Variants in LCLAT1 observed in about 807,000 individuals in gnomAD.
The protein encoded by LCLAT1 is 1-AGP acyltransferase 8.
In LCLAT1, 11 loss-of-function variants were observed where a neutral mutation model predicts 30.7. That is an observed-to-expected ratio of 0.36 (90% CI 0.23 to 0.59). The LOEUF is 0.59. Among genes scored for constraint, LCLAT1 ranks in the 20% least tolerant of loss-of-function variants. LCLAT1 has a pLI of 0.77. For synonymous variants in LCLAT1, 155 were observed against 151.3 expected (o/e 1.02, Z -0.18); for missense variants, 402 against 458.6 (o/e 0.88, Z 1.13).
intron 1 of LCLAT1, among the ~76,000 whole-genome samples, chr2:30,466,761 G>T (rs1682455270): frequency 6.6e-6 from 1 of 151,972 alleles, no homozygotes; most frequent in Non-Finnish European, 1.5e-5. Flanking sequence ...CCACCCCCTG[G>T]TAATCTGGAT....
intron 1 of LCLAT1, among the ~76,000 whole-genome samples, chr2:30,494,340 C>T (rs1015041678): frequency 3.3e-5 from 5 of 152,120 alleles, no homozygotes; most frequent in South Asian, 2.1e-4. Context: ...TGAACTTCGA[C>T]AGCTTTTTTC....
At chr2:30,491,874 TA>T (rs1004345520) in intron 1 of LCLAT1, among the ~76,000 whole-genome samples, 1 of 152,146 alleles carries the variant, frequency 6.6e-6, no homozygotes. Context: ...TAATTTAAAT[TA>T]GTGATAAGAA....
chr2:30,450,445 G>A (rs1681490559), intron 1 of LCLAT1, among the ~76,000 whole-genome samples: 1 of 152,194 alleles, frequency 6.6e-6, no homozygotes, highest in African/African-American at 2.4e-5. Context: ...AGTGGGAACT[G>A]TAGAAGGATC....
chr2:30,564,789 T>C (rs910895455), intron 4 of LCLAT1, among the ~76,000 whole-genome samples: 1 of 152,224 alleles, frequency 6.6e-6, no homozygotes, highest in African/African-American at 2.4e-5. Flanking sequence ...TGAGACTGTT[T>C]TATAATTTAA....
intron 1 of LCLAT1, among the ~76,000 whole-genome samples, chr2:30,515,058 A>G (rs1685118335): frequency 2.6e-5 from 4 of 151,596 alleles, no homozygotes; most frequent in Admixed American, 2.0e-4. Context: ...CCCCCATTGT[A>G]TACCTATACC....
chr2:30,560,323 T>TA (rs1665146432), intron 3 of LCLAT1, among the ~76,000 whole-genome samples: 1 of 146,878 alleles, frequency 6.8e-6, no homozygotes, highest in Non-Finnish European at 1.5e-5. Context: ...TGTGTGTGTG[T>TA]GTATTATTTA....
chr2:30,495,683 G>A (rs1684074019), intron 1 of LCLAT1, among the ~76,000 whole-genome samples: 1 of 152,110 alleles, frequency 6.6e-6, no homozygotes, highest in Non-Finnish European at 1.5e-5. Context: ...AAGTAAGGGT[G>A]GGGGTGAAAG....
chr2:30,573,126 CTG>C (rs1234140018), intron 5 of LCLAT1, among the ~76,000 whole-genome samples: 4 of 152,170 alleles, frequency 2.6e-5, no homozygotes, highest in Admixed American at 2.6e-4. Context: ...AAAGAAGAAA[CTG>C]TTGTGCAAGC....
At chr2:30,508,031 T>C (rs569747564) in intron 1 of LCLAT1, among the ~76,000 whole-genome samples, 1 of 152,342 alleles carries the variant, frequency 6.6e-6, no homozygotes, top group South Asian at 2.1e-4. Flanking sequence ...TTTGCATTTC[T>C]GTAATGATCA....
intron 5 of LCLAT1, among the ~76,000 whole-genome samples, chr2:30,611,859 G>GT (rs1412102575): frequency 6.6e-6 from 1 of 152,174 alleles, no homozygotes; most frequent in Non-Finnish European, 1.5e-5. Context: ...TTTCTCCTGG[G>GT]AGGAGGTCAG....
At chr2:30,615,941 AG>A (rs1206413778) in intron 5 of LCLAT1, among the ~76,000 whole-genome samples, 3 of 152,206 alleles carry the variant, frequency 2.0e-5, no homozygotes, top group Non-Finnish European at 2.9e-5. Context: ...AGCTTGTGTA[AG>A]GGATTGAAAT....
intron 3 of LCLAT1, chr2:30,552,496 A>G (rs1664724184): frequency 2.2e-6 from 1 of 444,522 alleles, no homozygotes; most frequent in Non-Finnish European, 4.6e-6. Flanking sequence ...TTTTCAGCAC[A>G]GTCACATTTG....
chr2:30,514,496 G>C (rs1685088774), intron 1 of LCLAT1, among the ~76,000 whole-genome samples: 1 of 152,032 alleles, frequency 6.6e-6, no homozygotes, highest in Non-Finnish European at 1.5e-5. Flanking sequence ...TATGACCTTT[G>C]GATTATTCAT....
chr2:30,457,564 C>T lies in LCLAT1; in HGVS notation c.-5+10181C>T, dbSNP rs139421675. The stretch of plus-strand genomic sequence containing the variant: ...TTCTTTTTCTCTTTTGTGGAAGAAG[C>T]CAGTTTTTTATCTGTTAAGCAAATT... On this transcript the variant is annotated intron_variant, in intron 1 of 5. Transcript: ENST00000379509. Among the ~76,000 whole-genome samples the T allele has an allele frequency of 1.9e-3, 285 of 152,282 alleles. 1 individual carries two copies. The highest frequency in any genetic ancestry group is 6.7e-3 in the African/African-American group (279 of 41,564).
At chr2:30,517,920 G>A (rs2148369838) in intron 1 of LCLAT1, among the ~76,000 whole-genome samples, 1 of 152,216 alleles carries the variant, frequency 6.6e-6, no homozygotes, top group Admixed American at 6.5e-5. Flanking sequence ...TGTAAACAAG[G>A]GTGTAGCCAA....
At chr2:30,560,930 A>C (rs952706202) in intron 3 of LCLAT1, among the ~76,000 whole-genome samples, 1 of 151,678 alleles carries the variant, frequency 6.6e-6, no homozygotes, top group Non-Finnish European at 1.5e-5. Flanking sequence ...TTTGCCCTTC[A>C]CTCTCATATG....
At chr2:30,596,998 C>T (rs62139630) in intron 5 of LCLAT1, among the ~76,000 whole-genome samples, 8 of 128,348 alleles carry the variant, frequency 6.2e-5, no homozygotes, top group Non-Finnish European at 1.1e-4. Flanking sequence ...TTCCATTGGT[C>T]TATGTGTCTG....
intron 1 of LCLAT1, among the ~76,000 whole-genome samples, chr2:30,514,330 C>T (rs1344431326): frequency 6.6e-6 from 1 of 152,182 alleles, no homozygotes; most frequent in Non-Finnish European, 1.5e-5. Flanking sequence ...CCAAGAAGTG[C>T]TTATGAAGTA....
intron 2 of LCLAT1, among the ~76,000 whole-genome samples, chr2:30,526,105 T>C (rs1159615505): frequency 6.6e-6 from 1 of 152,174 alleles, no homozygotes; most frequent in African/African-American, 2.4e-5. Context: ...GGGCTGCATG[T>C]ATTTTGCTGT....
Sources: gnomAD v4.1 joint callset for allele counts (sites outside exome capture counted in the v4.1 genomes callset) on GRCh38, gnomAD v4.1.1 for gene constraint, MANE v1.5 for transcripts, NCBI Gene and HGNC (gene_info 2026-07-23, HGNC 2026-07-21) for gene names.